Variants in DAAM2 observed in about 807,000 individuals in gnomAD.
The protein encoded by DAAM2 is disheveled-associated activator of morphogenesis 2.
DAAM2 carries 39 observed loss-of-function variants against 120.7 expected under a neutral mutation model. The observed-to-expected ratio is 0.32, with a 90% CI of 0.25 to 0.42. The LOEUF is 0.42. Among genes scored for constraint, DAAM2 ranks in the 10% least tolerant of loss-of-function variants. DAAM2 has a pLI of 1.00. For missense variants in DAAM2, 1,283 were observed against 1,401.7 expected (o/e 0.92, Z 1.35); for synonymous variants, 488 against 524.9 (o/e 0.93, Z 0.96).
chr6:39,888,484 C>T (rs1311668884), intron 16 of DAAM2, 195 bp from the exon 17 acceptor site: 4 of 474,986 alleles, frequency 8.4e-6, no homozygotes, highest in African/African-American at 1.9e-5. Context: ...TATTTTGACA[C>T]TAAAATGCTC....
intron 1 of DAAM2, among the ~76,000 whole-genome samples, chr6:39,803,435 A>G (rs1324211701): frequency 6.6e-6 from 1 of 152,178 alleles, no homozygotes; most frequent in Non-Finnish European, 1.5e-5. Context: ...TGGGGTAGGT[A>G]GTCCTCTAAG....
intron 4 of DAAM2, 51 bp downstream of exon 4, chr6:39,864,558 AG>A: frequency 6.8e-7 from 1 of 1,470,604 alleles, no homozygotes. Context: ...AGGCTACGGC[AG>A]GGAGTGATTC....
chr6:39,811,793 G>T (rs1414575884), intron 1 of DAAM2, among the ~76,000 whole-genome samples: 1 of 152,148 alleles, frequency 6.6e-6, no homozygotes, highest in Non-Finnish European at 1.5e-5. Flanking sequence ...GAGAAGGGTG[G>T]CAGGAACTCA....
At chr6:39,838,001 G>T (rs1763175292) in intron 1 of DAAM2, among the ~76,000 whole-genome samples, 1 of 152,182 alleles carries the variant, frequency 6.6e-6, no homozygotes, top group South Asian at 2.1e-4. Flanking sequence ...GCCCATGGCT[G>T]ACAGATAATT....
At chr6:39,841,854 G>A (rs930875782) in intron 1 of DAAM2, among the ~76,000 whole-genome samples, 23 of 152,092 alleles carry the variant, frequency 1.5e-4, no homozygotes, top group African/African-American at 5.1e-4. Context: ...CCAGAGTCTC[G>A]TTTCCGTCAG....
intron 15 of DAAM2, chr6:39,885,006 G>A (rs1765312026): frequency 1.3e-5 from 2 of 152,114 alleles, no homozygotes; most frequent in African/African-American, 2.4e-5. Context: ...TCTTGGGGCT[G>A]GGCTACCATC....
At chr6:39,889,725 T>C (rs1213614660) in intron 17 of DAAM2, among the ~76,000 whole-genome samples, 1 of 152,238 alleles carries the variant, frequency 6.6e-6, no homozygotes, top group Non-Finnish European at 1.5e-5. Context: ...CCAGAAGCCT[T>C]ACTGATAAGA....
rs1199650719 is a variant in DAAM2, at chr6:39,904,735, G to A, written c.*2698G>A. 1.1e-5 allele frequency: 5 copies of A among 454,092 alleles called. No individual in the cohort carries two copies. In the Admixed American group the frequency reaches 1.2e-4, roughly 11 times the overall value. The allele number at this position is 454,092 out of a possible 1,614,324, so 28.1% of individuals were successfully genotyped here. A position where few individuals can be genotyped will look rare whatever the true frequency, so the allele number is the denominator to read the frequency against. ...CTACCAGGGATGCCTTCACGCCAAG[G>A]CTGTTCTCACCAGCTGCCTCAGATG... On this transcript the variant is annotated 3_prime_UTR_variant, in exon 25 of 25. Transcript: ENST00000274867.
At chr6:39,830,939 T>G (rs977239974) in intron 1 of DAAM2, among the ~76,000 whole-genome samples, 5 of 152,204 alleles carry the variant, frequency 3.3e-5, no homozygotes, top group African/African-American at 1.2e-4. Context: ...AGGTCGACCA[T>G]GTACCAAGGA....
intron 14 of DAAM2, chr6:39,883,731 G>T: frequency 6.1e-6 from 3 of 489,862 alleles, no homozygotes; most frequent in Non-Finnish European, 7.3e-6. Context: ...ATGTTTACAT[G>T]TGGCTCCATG....
At position 39,903,809 on chromosome 6, in the gene DAAM2, G is replaced by GGT. The variant is rs137901955; in HGVS notation, c.*1783_*1784dup. The GGT allele has an allele frequency of 5.1e-5, 10 of 197,296 alleles. No homozygotes were observed. Among genetic ancestry groups the GGT allele is most frequent in the Non-Finnish European group, 8.3e-5 (8 of 95,932 alleles). The allele number at this position is 197,296 out of a possible 1,614,324, so 12.2% of individuals were successfully genotyped here. On this transcript the variant is annotated 3_prime_UTR_variant, in exon 25 of 25. Coordinates refer to ENST00000274867, the MANE Select transcript of DAAM2 (RefSeq NM_001201427.2). ...TGTGCGTTGGTTTGAGGGGGCGGGCGGTGTGTGTGTGTTCTGGTGGGAGGG... is the reference window on the plus strand; with the variant it reads ...TGTGCGTTGGTTTGAGGGGGCGGGCGGTGTGTGTGTGTGTTCTGGTGGGAGGG...
chr6:39,832,736 G>A (rs1037179664), intron 1 of DAAM2, among the ~76,000 whole-genome samples: 2 of 152,138 alleles, frequency 1.3e-5, no homozygotes, highest in African/African-American at 4.8e-5. Flanking sequence ...CCAGGGAAGG[G>A]CCTGGGGGCT....
At chr6:39,794,763 C>G (rs1009827241) in intron 1 of DAAM2, among the ~76,000 whole-genome samples, 2 of 152,084 alleles carry the variant, frequency 1.3e-5, no homozygotes, top group Non-Finnish European at 2.9e-5. Flanking sequence ...TAAGTACAGG[C>G]AGTAGAGAAA....
chr6:39,890,879 G>T (rs569664684), intron 17 of DAAM2, among the ~76,000 whole-genome samples: 2 of 151,988 alleles, frequency 1.3e-5, no homozygotes, highest in East Asian at 1.9e-4. Flanking sequence ...GCTTGAGCTC[G>T]GGAGGTAAAG....
chr6:39,899,548 G>C (rs1766345778), intron 22 of DAAM2: 1 of 158,412 alleles, frequency 6.3e-6, no homozygotes, highest in South Asian at 1.8e-4. Context: ...AGAGGCAGTG[G>C]GTAAGGGAAG....
intron 1 of DAAM2, among the ~76,000 whole-genome samples, chr6:39,840,157 G>A (rs1582652986): frequency 6.6e-6 from 1 of 152,288 alleles, no homozygotes; most frequent in East Asian, 1.9e-4. Flanking sequence ...AGTCTGGGAG[G>A]TGGAGGTTGC....
chr6:39,900,129 C>G lies in DAAM2; in HGVS notation c.2732C>G (p.Pro911Arg), dbSNP rs373101111. The G allele has an allele frequency of 1.2e-6, 2 of 1,601,608 alleles. No homozygotes were observed. Among genetic ancestry groups the G allele is most frequent in the African/African-American group, 2.7e-5 (2 of 74,470 alleles). Residue 911 changes from proline to arginine, a missense_variant, in exon 23 of 25, where the codon CCT becomes CGT. Physicochemically the swap from Pro to Arg is moderately radical, Grantham distance 103. Around this residue, in one of 3 missense-constraint regions of DAAM2, gnomAD observed 748 missense variants for 768.6 expected, o/e 0.97. Coordinates refer to ENST00000274867, the MANE Select transcript of DAAM2 (RefSeq NM_001201427.2). ...QVREPSDKFV[P>R]VMSDFITVSS... ...CGGGAGCCCAGTGACAAGTTTGTCCCTGTCATGAGCGACTTCATCACGGTG... is the reference window on the plus strand; with the variant it reads ...CGGGAGCCCAGTGACAAGTTTGTCCGTGTCATGAGCGACTTCATCACGGTG...
intron 1 of DAAM2, among the ~76,000 whole-genome samples, chr6:39,814,894 C>T (rs1762264526): frequency 6.6e-6 from 1 of 152,188 alleles, no homozygotes; most frequent in Non-Finnish European, 1.5e-5. Context: ...CCATTCTCTT[C>T]AGTATTAGCC....
chr6:39,891,594 G>T, intron 18 of DAAM2, 40 bp from the exon 19 acceptor site: 1 of 1,583,914 alleles, frequency 6.3e-7, no homozygotes, highest in Non-Finnish European at 8.6e-7. Context: ...GGCCAGGATA[G>T]GGGTGGGATA....
Sources: gnomAD v4.1 joint callset for allele counts (sites outside exome capture counted in the v4.1 genomes callset) on GRCh38, gnomAD v4.1.1 for gene constraint, gnomAD v4.1.1 regional missense constraint, MANE v1.5 for transcripts, NCBI Gene and HGNC (gene_info 2026-07-23, HGNC 2026-07-21) for gene names.